Variants in GALNTL5 observed in about 807,000 individuals in gnomAD.
The protein encoded by GALNTL5 is polypeptide N-acetylgalactosaminyltransferase like 5.
In GALNTL5, 44 loss-of-function variants were observed where a neutral mutation model predicts 51.0. The ratio of observed to expected loss-of-function variants is 0.86; its 90% CI spans 0.68 to 1.11. GALNTL5 has a LOEUF of 1.11. Among genes scored for constraint, GALNTL5 ranks in the 50% least tolerant of loss-of-function variants. The pLI is 0.00. For synonymous variants in GALNTL5, 192 were observed against 182.8 expected, an observed-to-expected ratio of 1.05 and a Z score of -0.41; for missense variants, 528 against 531.8, an observed-to-expected ratio of 0.99 and a Z score of 0.07.
Position 152,019,810 on chromosome 7 carries a change from C to CA in GALNTL5, c.*12dup. On this transcript the variant is annotated 3_prime_UTR_variant, in exon 9 of 9. Transcript: ENST00000392800. ...CTGTGAACAGCCTGTGAAAGGAAAA[C>CA]AAATCACTTTCATTAATAAAGGGTT... The CA allele has an allele frequency of 6.3e-7, 1 of 1,599,442 alleles. No individual in the cohort carries two copies. Among genetic ancestry groups the CA allele is most frequent in the Non-Finnish European group, 8.5e-7 (1 of 1,170,500 alleles).
intron 4 of GALNTL5, chr7:151,984,181 G>T (rs2081332763): frequency 6.6e-6 from 1 of 152,194 alleles, no homozygotes; most frequent in South Asian, 2.1e-4. Context: ...GAAAGAAGCG[G>T]AATCAGACCA....
chr7:151,992,145 G>A (rs1178823548), intron 5 of GALNTL5, among the ~76,000 whole-genome samples: 1 of 152,174 alleles, frequency 6.6e-6, no homozygotes, highest in Admixed American at 6.6e-5. Flanking sequence ...TTAGTCGTTA[G>A]TGGTTGGTGG....
chr7:152,013,356 A>T (rs1427569239), intron 7 of GALNTL5, among the ~76,000 whole-genome samples: 1 of 146,720 alleles, frequency 6.8e-6, no homozygotes, highest in African/African-American at 2.5e-5. Flanking sequence ...AGTTGGAAAG[A>T]AAAAAAAAAA....
At position 152,019,731 on chromosome 7, in the gene GALNTL5, G is replaced by C; in HGVS notation, c.1262G>C (p.Gly421Ala). The change falls in exon 9 of 9, where the codon GGT becomes GCT. Residue 421 changes from glycine to alanine, a missense_variant. Physicochemically the swap from Gly to Ala is moderately conservative, Grantham distance 60 (BLOSUM62 0). Coordinates refer to ENST00000392800, the MANE Select transcript of GALNTL5 (RefSeq NM_145292.4). Reference protein sequence around the residue: ...RERVELRKRLGCKSFQWYLDN... With the variant: ...RERVELRKRLACKSFQWYLDN... The stretch of plus-strand genomic sequence containing the variant: ...CGTGTTGAGTTAAGGAAACGACTGG[G>C]TTGCAAGTCATTTCAGTGGTATTTG... 1 of 1,613,464 alleles carries C rather than the reference G, an allele frequency of 6.2e-7. No individual in the cohort carries two copies. Among genetic ancestry groups the C allele is most frequent in the Non-Finnish European group, 8.5e-7 (1 of 1,179,386 alleles).
rs140582740 is a variant in GALNTL5, at chr7:151,969,028, T to C, written c.247+1535T>C. Reference sequence around the variant, plus strand: ...TATCCTAAATTCAAGTTTCTTGATATGTGAGTTTCAAATGTTTTGGACAAA... The same window carrying C: ...TATCCTAAATTCAAGTTTCTTGATACGTGAGTTTCAAATGTTTTGGACAAA... On this transcript the variant is annotated intron_variant, in intron 2 of 8. Coordinates refer to ENST00000392800, the MANE Select transcript of GALNTL5 (RefSeq NM_145292.4). Among the ~76,000 whole-genome samples, 4 of 152,338 alleles carry C rather than the reference T, an allele frequency of 2.6e-5. No homozygotes were observed. The East Asian group carries it at 5.8e-4, about 22-fold the overall frequency.
At chr7:151,976,197 T>G (rs2081203002) in intron 3 of GALNTL5, among the ~76,000 whole-genome samples, 1 of 152,216 alleles carries the variant, frequency 6.6e-6, no homozygotes, top group African/African-American at 2.4e-5. Context: ...TTTATTGCAG[T>G]CTATCACTCA....
At chr7:151,981,667 C>G (rs1284174087) in intron 3 of GALNTL5, among the ~76,000 whole-genome samples, 3 of 141,560 alleles carry the variant, frequency 2.1e-5, no homozygotes, top group Admixed American at 1.5e-4. Context: ...CCTCCCTCCC[C>G]CTCTTCTTTC....
intron 5 of GALNTL5, among the ~76,000 whole-genome samples, chr7:151,990,628 A>C (rs1246899215): frequency 1.3e-5 from 2 of 150,908 alleles, no homozygotes; most frequent in African/African-American, 4.9e-5. Flanking sequence ...GGCTAGACTG[A>C]ACTTCCTAGC....
At chr7:152,005,083 C>T (rs923659276) in intron 6 of GALNTL5, among the ~76,000 whole-genome samples, 4 of 152,172 alleles carry the variant, frequency 2.6e-5, no homozygotes, top group Admixed American at 6.5e-5. Context: ...ACTGTGCAAG[C>T]GTTCCCTTTT....
chr7:151,995,348 A>ATTTTTTTTTTTTTTTTTTT (rs71198750), intron 5 of GALNTL5: 1 of 71,094 alleles, frequency 1.4e-5, no homozygotes, highest in African/African-American at 4.8e-5. Context: ...GTTGGTATGA[A>ATTTTTTTTTTTTTTTTTTT]TTTTTTTTTT....
chr7:152,019,596 C>CA, intron 8 of GALNTL5, 50 bp from the exon 9 acceptor site: 1 of 1,537,972 alleles, frequency 6.5e-7, no homozygotes, highest in Non-Finnish European at 8.9e-7. Context: ...ATTTGATCAG[C>CA]AAAGATTTGT....
At position 151,962,967 on chromosome 7, in the gene GALNTL5, C is replaced by CA. The variant is rs200289949; in HGVS notation, c.-39-4233dup. 6.8e-3 allele frequency among the ~76,000 whole-genome samples: 1,029 copies of CA among 151,556 alleles called. 17 individuals are homozygous for CA. Among genetic ancestry groups the CA allele is most frequent in the African/African-American group, 0.024 (974 of 41,322 alleles). On this transcript the variant is annotated intron_variant, in intron 1 of 8. Coordinates refer to ENST00000392800, the MANE Select transcript of GALNTL5 (RefSeq NM_145292.4). ...CATTTGCAATCCACAGGTAGTTTCC[C>CA]AAAAAAAAGAATACATGGAGAGTAA...
chr7:152,000,933 T>G (rs796882125), intron 5 of GALNTL5, among the ~76,000 whole-genome samples: 6 of 144,188 alleles, frequency 4.2e-5, no homozygotes, highest in African/African-American at 1.1e-4. Context: ...TTTGACAGAG[T>G]CTTGCTCTGT....
chr7:151,966,748 G>A (rs771149804), intron 1 of GALNTL5, among the ~76,000 whole-genome samples: 6 of 152,132 alleles, frequency 3.9e-5, no homozygotes, highest in African/African-American at 7.2e-5. Context: ...TTGCCAAAAC[G>A]ATTGTGCCAT....
intron 3 of GALNTL5, among the ~76,000 whole-genome samples, chr7:151,979,116 T>C (rs1357139677): frequency 6.8e-6 from 1 of 146,726 alleles, no homozygotes; most frequent in Non-Finnish European, 1.5e-5. Flanking sequence ...CTTTTTTTTT[T>C]TTTTTTTTTT....
chr7:151,978,802 C>T (rs1044429372), intron 3 of GALNTL5, among the ~76,000 whole-genome samples: 2 of 152,130 alleles, frequency 1.3e-5, no homozygotes, highest in African/African-American at 2.4e-5. Flanking sequence ...TTGTATATGT[C>T]TGTCTCTGGG....
intron 1 of GALNTL5, among the ~76,000 whole-genome samples, chr7:151,963,707 A>G (rs867049258): frequency 2.0e-5 from 3 of 152,230 alleles, no homozygotes; most frequent in South Asian, 2.1e-4. Context: ...CATTTATTCT[A>G]ATTTTTAAAT....
chr7:151,976,181 T>C (rs189163385), intron 3 of GALNTL5, among the ~76,000 whole-genome samples: 1 of 152,344 alleles, frequency 6.6e-6, no homozygotes, highest in African/African-American at 2.4e-5. Context: ...AGTCCTCTAC[T>C]TTTATTTTAT....
intron 8 of GALNTL5, among the ~76,000 whole-genome samples, chr7:152,015,743 C>A (rs1221042350): frequency 6.6e-6 from 1 of 152,174 alleles, no homozygotes; most frequent in Non-Finnish European, 1.5e-5. Context: ...CGTGTGAGAA[C>A]TTCCACTACC....
Sources: allele counts gnomAD v4.1 joint callset (sites outside exome capture counted in the v4.1 genomes callset), GRCh38; gene constraint gnomAD v4.1.1; transcripts MANE v1.5; gene names NCBI Gene and HGNC (gene_info 2026-07-23, HGNC 2026-07-21).